MTA3: variants seen among roughly 807,000 people sequenced by gnomAD.
The protein encoded by MTA3 is metastasis-associated protein MTA3.
A neutral mutation model predicts 83.5 loss-of-function variants in MTA3; 34 were observed. The observed-to-expected ratio is 0.41, with a 90% confidence interval of 0.31 to 0.54. The LOEUF (loss-of-function observed/expected upper bound fraction) is 0.54. Among genes scored for constraint, MTA3 ranks in the 20% least tolerant of loss-of-function variants. The pLI, the probability that MTA3 is intolerant of heterozygous loss-of-function variation, is 0.33. For missense variants in MTA3, 761 were observed against 726.4 expected (o/e 1.05, Z -0.55); for synonymous variants, 303 against 252.7 (o/e 1.20, Z -1.89).
intron 2 of MTA3, among the ~76,000 whole-genome samples, chr2:42,503,772 G>A (rs1296845880): frequency 6.6e-6 from 1 of 152,128 alleles, no homozygotes; most frequent in Non-Finnish European, 1.5e-5. Context: ...CTGCTCAGGA[G>A]GCAGATGCAA....
chr2:42,708,087 A>C, intron 13 of MTA3, 33 bp downstream of exon 13: 1 of 1,569,944 alleles, frequency 6.4e-7, no homozygotes, highest in East Asian at 2.2e-5. Flanking sequence ...GAAAAATGGC[A>C]TGTTTTTAAA....
chr2:42,558,823 A>G (rs1157209662), intron 2 of MTA3, among the ~76,000 whole-genome samples: 2 of 151,714 alleles, frequency 1.3e-5, no homozygotes, highest in African/African-American at 4.8e-5. Context: ...CCAAAGTGCT[A>G]GGATTACAGG....
chr2:42,542,787 C>T (rs907544686), intron 2 of MTA3, among the ~76,000 whole-genome samples: 1 of 151,948 alleles, frequency 6.6e-6, no homozygotes, highest in African/African-American at 2.4e-5. Flanking sequence ...AAACACCTGA[C>T]CTTAAGTGAC....
At chr2:42,701,219 C>T (rs987271247) in intron 11 of MTA3, among the ~76,000 whole-genome samples, 1 of 148,454 alleles carries the variant, frequency 6.7e-6, no homozygotes, top group Non-Finnish European at 1.5e-5. Flanking sequence ...GGAGGATCAC[C>T]TGAGCCTGAG....
chr2:42,697,697 C>A lies in MTA3; in HGVS notation c.967-79C>A, dbSNP rs547712380. On this transcript the variant is annotated intron_variant, in intron 10 of 16. Transcript: ENST00000405094. The stretch of plus-strand genomic sequence containing the variant: ...TGAATTACACTTTAATACGTATTTT[C>A]TTGTGAATTTTTAAGACAATGAACA... 5 of 993,502 alleles carry A rather than the reference C, an allele frequency of 5.0e-6. No individual in the cohort carries two copies. In the East Asian group the frequency reaches 1.4e-4, roughly 28 times the overall value. 61.5% of individuals were successfully genotyped at this position (993,502 alleles called of 1,614,324 possible).
At chr2:42,744,308 G>A (rs1669248674) in intron 16 of MTA3, among the ~76,000 whole-genome samples, 1 of 152,114 alleles carries the variant, frequency 6.6e-6, no homozygotes, top group South Asian at 2.1e-4. Context: ...CCACCCCTGG[G>A]ACCATTCCTG....
chr2:42,622,113 A>G (rs1038752076), intron 4 of MTA3, among the ~76,000 whole-genome samples: 7 of 152,094 alleles, frequency 4.6e-5, no homozygotes, highest in South Asian at 2.1e-4. Context: ...AGCCTGGGCA[A>G]CATTGAGCAC....
chr2:42,691,387 C>T (rs1203967553), intron 9 of MTA3, among the ~76,000 whole-genome samples: 1 of 152,128 alleles, frequency 6.6e-6, no homozygotes, highest in African/African-American at 2.4e-5. Context: ...CACACACATC[C>T]CCCCCTAAAA....
At chr2:42,681,364 CT>C (rs1691890691) in intron 8 of MTA3, among the ~76,000 whole-genome samples, 1 of 152,128 alleles carries the variant, frequency 6.6e-6, no homozygotes, top group Non-Finnish European at 1.5e-5. Flanking sequence ...CCATTGTTTT[CT>C]TTCTGTCTTA....
intron 2 of MTA3, among the ~76,000 whole-genome samples, chr2:42,524,472 G>GT (rs58288129): frequency 0.073 from 5,125 of 70,586 alleles, 209 homozygotes; most frequent in South Asian, 0.094. Context: ...GGCTAGTTGT[G>GT]TTTTTTTTTT....
chr2:42,514,029 C>A (rs1181492138), intron 2 of MTA3, among the ~76,000 whole-genome samples: 1 of 152,154 alleles, frequency 6.6e-6, no homozygotes, highest in Non-Finnish European at 1.5e-5. Context: ...GCCTGGCCAA[C>A]ATAGTGAAAC....
rs1173604719 is a variant in MTA3, at chr2:42,548,831, T to A, written c.-140-21606T>A. Among the ~76,000 whole-genome samples the A allele has an allele frequency of 7.5e-3, 64 of 8,520 alleles. 2 individuals are homozygous for A. Among genetic ancestry groups the A allele is most frequent in the Non-Finnish European group, 0.013 (51 of 3,994 alleles). The allele number at this position is 8,520 out of a possible 152,430, so 5.6% of individuals were successfully genotyped here. A position where few individuals can be genotyped will look rare whatever the true frequency, so the allele number is the denominator to read the frequency against. On this transcript the variant is annotated intron_variant, in intron 2 of 17. Transcript: ENST00000405592. ...AAAAAATATATATATATATATATAA[T>A]ATATATATATATATAATATATATAT...
chr2:42,520,062 A>G (rs1403579511), intron 2 of MTA3, among the ~76,000 whole-genome samples: 1 of 152,158 alleles, frequency 6.6e-6, no homozygotes, highest in Non-Finnish European at 1.5e-5. Flanking sequence ...AAATAAAGTG[A>G]TTGAGTTCAA....
At chr2:42,580,029 G>T (rs1164455007) in intron 3 of MTA3, among the ~76,000 whole-genome samples, 4 of 152,014 alleles carry the variant, frequency 2.6e-5, no homozygotes. Flanking sequence ...CTGCAGCCTC[G>T]ATGTCCCGGG....
chr2:42,704,402 A>G (rs1281445153), intron 12 of MTA3, 84 bp downstream of exon 12: 19 of 1,526,714 alleles, frequency 1.2e-5, no homozygotes, highest in African/African-American at 1.1e-4. Context: ...GCCTGAGGTC[A>G]GTACGGTGCA....
chr2:42,736,510 C>T (rs1357878169), intron 16 of MTA3, among the ~76,000 whole-genome samples: 1 of 152,140 alleles, frequency 6.6e-6, no homozygotes, highest in Non-Finnish European at 1.5e-5. Context: ...AGGCATCTTC[C>T]CTTCAGGGCA....
In MTA3 at chr2:42,755,728, C is replaced by A. The variant is rs1393406721; in HGVS notation, c.*2329C>A. On this transcript the variant is annotated 3_prime_UTR_variant, in exon 17 of 17. Transcript: ENST00000405094. Reference sequence around the variant, plus strand: ...GGTTTCCCAGCCACCCGCTCCCTTTCTGGGGCCATGGTGTCCCTGCTGTGT... The same window carrying A: ...GGTTTCCCAGCCACCCGCTCCCTTTATGGGGCCATGGTGTCCCTGCTGTGT... The A allele has an allele frequency of 1.8e-5, 18 of 985,642 alleles. No homozygotes were observed. The highest frequency in any genetic ancestry group is 2.2e-5 in the Non-Finnish European group (18 of 830,082). 61.1% of individuals were successfully genotyped at this position (985,642 alleles called of 1,614,324 possible).
chr2:42,529,475 C>T (rs1675860640), intron 2 of MTA3, among the ~76,000 whole-genome samples: 1 of 152,172 alleles, frequency 6.6e-6, no homozygotes, highest in Admixed American at 6.6e-5. Flanking sequence ...AACTGAGAGC[C>T]AAGAGAGAAA....
chr2:42,705,191 T>C (rs1665969504), intron 12 of MTA3, among the ~76,000 whole-genome samples: 1 of 152,188 alleles, frequency 6.6e-6, no homozygotes, highest in South Asian at 2.1e-4. Context: ...GCTGAATTTG[T>C]AGAAATGGTA....
Sources: gnomAD v4.1 joint callset for allele counts (sites outside exome capture counted in the v4.1 genomes callset) on GRCh38, gnomAD v4.1.1 for gene constraint, MANE v1.5 for transcripts, NCBI Gene and HGNC (gene_info 2026-07-23, HGNC 2026-07-21) for gene names.